RNF152: variants seen among roughly 807,000 people sequenced by gnomAD.
The protein encoded by RNF152 is E3 ubiquitin-protein ligase RNF152.
RNF152 carries 11 observed loss-of-function variants against 12.7 expected under a neutral mutation model. That is an observed-to-expected ratio of 0.86 (90% CI 0.54 to 1.43). The LOEUF is 1.43. Among genes scored for constraint, RNF152 ranks in the 40% most tolerant of loss-of-function variants. The pLI is 0.00. For synonymous variants in RNF152, 113 were observed against 120.3 expected (o/e 0.94, Z 0.40); for missense variants, 255 against 274.8 (o/e 0.93, Z 0.51).
intron 1 of RNF152, among the ~76,000 whole-genome samples, chr18:61,883,999 C>T (rs1912578138): frequency 6.6e-6 from 1 of 152,178 alleles, no homozygotes; most frequent in Admixed American, 6.5e-5. Flanking sequence ...GATGCCATCA[C>T]CTCCTTGGCT....
intron 1 of RNF152, among the ~76,000 whole-genome samples, chr18:61,886,595 G>A (rs1243819030): frequency 6.6e-6 from 1 of 152,212 alleles, no homozygotes. Flanking sequence ...CCCTTGGAAG[G>A]AACTGTGCCC....
chr18:61,831,258 C>T (rs978995988), intron 1 of RNF152, among the ~76,000 whole-genome samples: 1 of 152,208 alleles, frequency 6.6e-6, no homozygotes, highest in Non-Finnish European at 1.5e-5. Context: ...CACTTCTCGT[C>T]TTGTAAATCC....
At chr18:61,851,438 T>C (rs1368065923) in intron 1 of RNF152, among the ~76,000 whole-genome samples, 1 of 152,158 alleles carries the variant, frequency 6.6e-6, no homozygotes, top group African/African-American at 2.4e-5. Context: ...CTGCCCCAGC[T>C]TCAGGGGTGA....
At chr18:61,843,998 A>C (rs924397478) in intron 1 of RNF152, among the ~76,000 whole-genome samples, 10 of 151,476 alleles carry the variant, frequency 6.6e-5, no homozygotes, top group African/African-American at 2.4e-4. Context: ...AATAAATAAT[A>C]AGCAGATAAG....
At chr18:61,819,842 G>A (rs7244472) in intron 1 of RNF152, among the ~76,000 whole-genome samples, 40,719 of 151,388 alleles carry the variant, frequency 0.27, 6,239 homozygotes, top group Non-Finnish European at 0.35. Context: ...TCAACATAAC[G>A]AGACTCTGTC....
chr18:61,882,052 C>T (rs543537718), intron 1 of RNF152, among the ~76,000 whole-genome samples: 46 of 152,198 alleles, frequency 3.0e-4, no homozygotes, highest in African/African-American at 1.1e-3. Flanking sequence ...ATCCGAAATC[C>T]GAAATGCTCC....
intron 1 of RNF152, among the ~76,000 whole-genome samples, chr18:61,819,164 G>A (rs1003253912): frequency 8.5e-5 from 13 of 152,168 alleles, no homozygotes; most frequent in Admixed American, 3.9e-4. Context: ...GAGTTTGATC[G>A]TTTTAGCCCT....
chr18:61,847,774 C>T (rs1568277484), intron 1 of RNF152, among the ~76,000 whole-genome samples: 2 of 152,120 alleles, frequency 1.3e-5, no homozygotes, highest in African/African-American at 4.8e-5. Flanking sequence ...CTGCTCTACC[C>T]ACAGTCTTCC....
At chr18:61,818,597 G>A (rs927893792) in intron 1 of RNF152, among the ~76,000 whole-genome samples, 4 of 152,144 alleles carry the variant, frequency 2.6e-5, no homozygotes, top group African/African-American at 7.2e-5. Context: ...TAGCATTCAG[G>A]AAGTTCATAT....
intron 1 of RNF152, among the ~76,000 whole-genome samples, chr18:61,866,898 A>C (rs1353379512): frequency 6.6e-6 from 1 of 150,506 alleles, no homozygotes; most frequent in African/African-American, 2.4e-5. Context: ...AAGCAAAACA[A>C]CACAAAAAAA....
chr18:61,838,378 C>T lies in RNF152; in HGVS notation c.-135-21780G>A, dbSNP rs771388869. On this transcript the variant is annotated intron_variant, in intron 1 of 1. Transcript: ENST00000312828. ...GGACCAAAGTAGCAATCACAAAAGA[C>T]TCCAGAGATCAGCCCTGTAACCAGA... Among the ~76,000 whole-genome samples, 122 of 152,174 alleles carry T rather than the reference C, an allele frequency of 8.0e-4. 1 individual carries two copies. The highest frequency in any genetic ancestry group is 3.4e-4 in the Non-Finnish European group (23 of 68,032).
intron 1 of RNF152, among the ~76,000 whole-genome samples, chr18:61,829,547 T>G (rs1440397251): frequency 1.7e-4 from 19 of 113,584 alleles, no homozygotes; most frequent in South Asian, 2.8e-4. Context: ...AGAGAGATAC[T>G]GGGAGAGGGA....
rs553650281 is a variant in RNF152 at position 61,814,734 on chromosome 18, C to T, written c.*1118G>A. The stretch of plus-strand genomic sequence containing the variant: ...GCATCTTTCAAAAAAGAATCACAGG[C>T]CATTTATTAAAATGCCCGCCTGGGT... On this transcript the variant is annotated 3_prime_UTR_variant, in exon 2 of 2. Coordinates refer to ENST00000312828, the MANE Select transcript of RNF152 (RefSeq NM_173557.3). 2 of 152,294 alleles carry T rather than the reference C, an allele frequency of 1.3e-5. No homozygotes were observed. Among genetic ancestry groups the T allele is most frequent in the South Asian group, 2.1e-4 (1 of 4,824 alleles). The allele number at this position is 152,294 out of a possible 1,614,324, so 9.4% of individuals were successfully genotyped here.
At chr18:61,875,817 C>T (rs1912189982) in intron 1 of RNF152, among the ~76,000 whole-genome samples, 1 of 152,122 alleles carries the variant, frequency 6.6e-6, no homozygotes, top group Non-Finnish European at 1.5e-5. Flanking sequence ...TCCCCAAGGG[C>T]TCAGGTCTTC....
intron 1 of RNF152, among the ~76,000 whole-genome samples, chr18:61,892,304 T>G (rs932678954): frequency 2.0e-4 from 30 of 152,158 alleles, no homozygotes; most frequent in African/African-American, 7.0e-4. Context: ...TTGCAAACAC[T>G]ATTACAATGA....
At chr18:61,829,393 C>T (rs1390303260) in intron 1 of RNF152, among the ~76,000 whole-genome samples, 1 of 152,018 alleles carries the variant, frequency 6.6e-6, no homozygotes, top group Non-Finnish European at 1.5e-5. Context: ...AGGGGGTGGT[C>T]CCAAGGACCA....
At chr18:61,851,003 C>T (rs189673323) in intron 1 of RNF152, among the ~76,000 whole-genome samples, 1 of 151,994 alleles carries the variant, frequency 6.6e-6, no homozygotes, top group Admixed American at 6.5e-5. Flanking sequence ...ATCATGGCCA[C>T]TCCCCAGGGT....
chr18:61,826,588 G>C (rs1454528652), intron 1 of RNF152, among the ~76,000 whole-genome samples: 1 of 151,812 alleles, frequency 6.6e-6, no homozygotes, highest in Non-Finnish European at 1.5e-5. Flanking sequence ...ACATGTTTTT[G>C]GTTACTTTCA....
At chr18:61,881,881 T>A (rs377323993) in intron 1 of RNF152, among the ~76,000 whole-genome samples, 57 of 152,322 alleles carry the variant, frequency 3.7e-4, no homozygotes, top group African/African-American at 1.3e-3. Context: ...TAATTAACAG[T>A]CTTCTTATAG....
Sources: allele counts gnomAD v4.1 joint callset (sites outside exome capture counted in the v4.1 genomes callset), GRCh38; gene constraint gnomAD v4.1.1; transcripts MANE v1.5; gene names NCBI Gene and HGNC (gene_info 2026-07-23, HGNC 2026-07-21).